Variants in CPVL observed in about 807,000 individuals in gnomAD.
CPVL encodes the protein probable serine carboxypeptidase CPVL.
In CPVL, 51 loss-of-function variants were observed where a neutral mutation model predicts 63.7. That is an observed-to-expected ratio of 0.80 (90% CI 0.64 to 1.01). CPVL has a LOEUF of 1.01. Among genes scored for constraint, CPVL ranks in the 50% least tolerant of loss-of-function variants. The pLI, the probability that CPVL is intolerant of heterozygous loss-of-function variation, is 0.00. For missense variants in CPVL, 530 were observed against 573.1 expected, an observed-to-expected ratio of 0.92 and a Z score of 0.77; for synonymous variants, 195 against 206.0, an observed-to-expected ratio of 0.95 and a Z score of 0.46.
intron 11 of CPVL, among the ~76,000 whole-genome samples, chr7:29,060,172 A>C (rs776865739): frequency 5.0e-5 from 7 of 139,932 alleles, no homozygotes; most frequent in Non-Finnish European, 9.5e-5. Context: ...GCTTATATAT[A>C]TATAAATAAG....
chr7:29,099,980 A>C (rs868166148), intron 3 of CPVL, among the ~76,000 whole-genome samples: 5 of 152,288 alleles, frequency 3.3e-5, no homozygotes, highest in South Asian at 4.2e-4. Flanking sequence ...AATAAAAATA[A>C]CCAGCTCTGC....
intron 11 of CPVL, among the ~76,000 whole-genome samples, chr7:29,057,778 T>C (rs1192049451): frequency 1.3e-5 from 2 of 152,230 alleles, no homozygotes; most frequent in South Asian, 2.1e-4. Flanking sequence ...CTACATTGTA[T>C]AACCTTTGCT....
intron 6 of CPVL, among the ~76,000 whole-genome samples, chr7:29,091,230 G>A (rs1444888236): frequency 1.3e-5 from 2 of 152,202 alleles, no homozygotes; most frequent in African/African-American, 4.8e-5. Flanking sequence ...ATATGGAGGG[G>A]CAACTGGAAG....
chr7:29,161,521 C>T (rs1795175114), intron 5 of CPVL, among the ~76,000 whole-genome samples: 1 of 152,278 alleles, frequency 6.6e-6, no homozygotes, highest in Non-Finnish European at 1.5e-5. Flanking sequence ...TTTTCATACC[C>T]ATTCATGCTC....
intron 11 of CPVL, among the ~76,000 whole-genome samples, chr7:29,034,867 A>AAAAAG (rs1406363823): frequency 6.1e-4 from 92 of 150,460 alleles, no homozygotes; most frequent in Non-Finnish European, 1.1e-3. Flanking sequence ...AAAAAAAAAA[A>AAAAAG]AAGAACAATA....
intron 12 of CPVL, among the ~76,000 whole-genome samples, chr7:29,002,237 T>C (rs138310002): frequency 4.1e-4 from 62 of 152,250 alleles, no homozygotes; most frequent in Admixed American, 1.9e-3. Context: ...GTTGCAAGCC[T>C]GTCAAGGAGG....
At chr7:29,084,403 G>T (rs186522940) in intron 7 of CPVL, among the ~76,000 whole-genome samples, 1 of 152,140 alleles carries the variant, frequency 6.6e-6, no homozygotes, top group Non-Finnish European at 1.5e-5. Flanking sequence ...TCATTATCTC[G>T]TCAGACAATC....
chr7:29,180,822 T>G (rs1240763071), intron 5 of CPVL, among the ~76,000 whole-genome samples: 2 of 152,168 alleles, frequency 1.3e-5, no homozygotes, highest in Non-Finnish European at 2.9e-5. Context: ...TGGACAAGAC[T>G]CGTATCATCC....
In CPVL at chr7:29,146,136, C is replaced by T. The variant is rs190860424; in HGVS notation, c.-11+293G>A. ...AGCTTCGTACTTCCCCGGAGGAGCT[C>T]CTGGAGTAGGAGACGGCTTCTAGCC... On this transcript the variant is annotated intron_variant, in intron 1 of 12. Coordinates refer to ENST00000265394, the MANE Select transcript of CPVL (RefSeq NM_031311.5). The T allele has an allele frequency of 6.1e-3, 957 of 156,652 alleles. 15 individuals are homozygous for T. Among genetic ancestry groups the T allele is most frequent in the African/African-American group, 0.022 (901 of 41,610 alleles). 9.7% of individuals were successfully genotyped at this position (156,652 alleles called of 1,614,324 possible).
intron 4 of CPVL, chr7:29,184,319 ATC>A (rs1468440632): frequency 6.6e-6 from 1 of 151,656 alleles, no homozygotes; most frequent in Admixed American, 6.6e-5. Context: ...TATATCTCAT[ATC>A]TCATACATCT....
At chr7:29,183,535 C>G (rs1798331776) in intron 4 of CPVL, among the ~76,000 whole-genome samples, 2 of 151,092 alleles carry the variant, frequency 1.3e-5, no homozygotes, top group South Asian at 2.1e-4. Flanking sequence ...TGCCACCACA[C>G]CTGGCTAACT....
intron 12 of CPVL, among the ~76,000 whole-genome samples, chr7:29,025,512 T>C (rs1787404966): frequency 1.3e-5 from 2 of 152,068 alleles, no homozygotes; most frequent in South Asian, 4.1e-4. Flanking sequence ...TCACCTCCCA[T>C]CAGACCCCAT....
intron 11 of CPVL, among the ~76,000 whole-genome samples, chr7:29,034,843 T>C (rs1788364862): frequency 7.5e-6 from 1 of 134,186 alleles, no homozygotes; most frequent in Non-Finnish European, 1.5e-5. Context: ...CCTAGAATGC[T>C]TTTATAATGG....
chr7:29,136,287 A>T (rs1791218726), intron 1 of CPVL, among the ~76,000 whole-genome samples: 1 of 152,242 alleles, frequency 6.6e-6, no homozygotes, highest in Non-Finnish European at 1.5e-5. Flanking sequence ...AGAACAATCC[A>T]AAGAGGAAAT....
chr7:29,128,826 T>C (rs970043601), intron 1 of CPVL, among the ~76,000 whole-genome samples: 13 of 152,012 alleles, frequency 8.6e-5, no homozygotes, highest in African/African-American at 3.1e-4. Flanking sequence ...GGGTAGATGA[T>C]CTGAGACTGA....
At chr7:29,112,465 T>C (rs1315681713) in intron 3 of CPVL, among the ~76,000 whole-genome samples, 1 of 152,040 alleles carries the variant, frequency 6.6e-6, no homozygotes, top group Admixed American at 6.6e-5. Context: ...ACACTCCAAA[T>C]AAGGCTGCAA....
chr7:29,057,972 T>A (rs924465460), intron 11 of CPVL, among the ~76,000 whole-genome samples: 1 of 152,192 alleles, frequency 6.6e-6, no homozygotes, highest in African/African-American at 2.4e-5. Flanking sequence ...CTTCTGACTT[T>A]ATTCCTCTTG....
chr7:29,163,115 G>A (rs973922812), intron 5 of CPVL, among the ~76,000 whole-genome samples: 2 of 151,934 alleles, frequency 1.3e-5, no homozygotes, highest in Non-Finnish European at 2.9e-5. Flanking sequence ...CTCCTTATGA[G>A]TCTGTAATTA....
chr7:29,114,149 G>A (rs999379393), intron 2 of CPVL, among the ~76,000 whole-genome samples: 1 of 152,168 alleles, frequency 6.6e-6, no homozygotes, highest in African/African-American at 2.4e-5. Flanking sequence ...TAACACTCAA[G>A]GGAATAGATG....
Sources: gnomAD v4.1 joint callset for allele counts (sites outside exome capture counted in the v4.1 genomes callset) on GRCh38, gnomAD v4.1.1 for gene constraint, MANE v1.5 for transcripts, NCBI Gene and HGNC (gene_info 2026-07-23, HGNC 2026-07-21) for gene names.